LYPLAL1: variants seen among roughly 807,000 people sequenced by gnomAD.
LYPLAL1 encodes lysophospholipase-like protein 1.
A neutral mutation model predicts 19.7 loss-of-function variants in LYPLAL1; 23 were observed. That is an observed-to-expected ratio of 1.17 (90% CI 0.84 to 1.65). LYPLAL1 has a LOEUF of 1.65. Among genes scored for constraint, LYPLAL1 ranks in the 40% most tolerant of loss-of-function variants. The pLI, the probability that LYPLAL1 is intolerant of heterozygous loss-of-function variation, is 0.00. For synonymous variants in LYPLAL1, 119 were observed against 96.3 expected (o/e 1.24, Z -1.38); for missense variants, 355 against 279.4 (o/e 1.27, Z -1.93).
chr1:219,302,161 A>G, the LYPLAL1 span, among the ~76,000 whole-genome samples: 1 of 152,138 alleles, frequency 6.6e-6, no homozygotes. Flanking sequence ...ATGTAGGTCC[A>G]TCTATTATAC....
At chr1:219,356,625 TG>T in the LYPLAL1 span, among the ~76,000 whole-genome samples, 2 of 152,188 alleles carry the variant, frequency 1.3e-5, no homozygotes, top group Non-Finnish European at 2.9e-5. Flanking sequence ...TACATTGCTT[TG>T]GGGGAAGTAT....
chr1:219,329,307 A>G, the LYPLAL1 span, among the ~76,000 whole-genome samples: 1 of 152,216 alleles, frequency 6.6e-6, no homozygotes, highest in Admixed American at 6.5e-5. Flanking sequence ...AAGTCTTAAC[A>G]TGATACCTGA....
chr1:219,196,735 A>G (rs568700476), intron 3 of LYPLAL1, among the ~76,000 whole-genome samples: 7 of 152,158 alleles, frequency 4.6e-5, no homozygotes, highest in Non-Finnish European at 1.0e-4. Context: ...GACATGATCC[A>G]ATATCTAGAA....
At chr1:219,439,726 T>A in the LYPLAL1 span, among the ~76,000 whole-genome samples, 1 of 152,054 alleles carries the variant, frequency 6.6e-6, no homozygotes, top group South Asian at 2.1e-4. Flanking sequence ...GGATATATAC[T>A]GTTTGCAGAG....
chr1:219,283,639 TGAC>T, the LYPLAL1 span, among the ~76,000 whole-genome samples: 1 of 152,168 alleles, frequency 6.6e-6, no homozygotes, highest in Non-Finnish European at 1.5e-5. Flanking sequence ...TCATAGTGAC[TGAC>T]AATTGCCTGT....
chr1:219,356,407 G>A, the LYPLAL1 span, among the ~76,000 whole-genome samples: 1 of 152,166 alleles, frequency 6.6e-6, no homozygotes, highest in Non-Finnish European at 1.5e-5. Context: ...GGCTGAGGCA[G>A]GAGAATCGCT....
At position 219,211,810 on chromosome 1, in the gene LYPLAL1, A is replaced by C; in HGVS notation, c.*82A>C. On this transcript the variant is annotated 3_prime_UTR_variant, in exon 5 of 5. Transcript: ENST00000366928. The stretch of plus-strand genomic sequence containing the variant: ...TACTGCCAAATTATAATGATAATTA[A>C]AATATTAAGAAATAACACTTTCCTG... The C allele has an allele frequency of 1.2e-6, 1 of 840,844 alleles. No individual in the cohort carries two copies. Among genetic ancestry groups the C allele is most frequent in the Non-Finnish European group, 1.8e-6 (1 of 553,294 alleles). 52.1% of individuals were successfully genotyped at this position (840,844 alleles called of 1,614,324 possible).
At chr1:219,240,600 G>A in the LYPLAL1 span, among the ~76,000 whole-genome samples, 1 of 151,996 alleles carries the variant, frequency 6.6e-6, no homozygotes, top group Non-Finnish European at 1.5e-5. Context: ...ATAACTTTTT[G>A]CTCCCTATGA....
At chr1:219,307,920 CT>C in the LYPLAL1 span, among the ~76,000 whole-genome samples, 1 of 152,146 alleles carries the variant, frequency 6.6e-6, no homozygotes, top group Non-Finnish European at 1.5e-5. Context: ...CCAATTAAAC[CT>C]TTTTTCTTCC....
chr1:219,407,598 G>A, the LYPLAL1 span, among the ~76,000 whole-genome samples: 1 of 152,122 alleles, frequency 6.6e-6, no homozygotes, highest in Admixed American at 6.5e-5. Flanking sequence ...TTTTATTTGT[G>A]AATAAACGTT....
the LYPLAL1 span, chr1:219,437,068 C>T: frequency 6.6e-6 from 1 of 152,170 alleles, no homozygotes; most frequent in Non-Finnish European, 1.5e-5. Context: ...CTAGTGTATA[C>T]AGAGTGGACT....
the LYPLAL1 span, among the ~76,000 whole-genome samples, chr1:219,441,267 A>G: frequency 6.6e-6 from 1 of 152,228 alleles, no homozygotes; most frequent in Admixed American, 6.5e-5. Flanking sequence ...ATCTGTATAC[A>G]GACATTTAAT....
chr1:219,380,108 C>T, the LYPLAL1 span, among the ~76,000 whole-genome samples: 1 of 152,218 alleles, frequency 6.6e-6, no homozygotes, highest in Non-Finnish European at 1.5e-5. Context: ...ATATAGTTAT[C>T]ATCTTTAGCA....
At chr1:219,342,087 T>C in the LYPLAL1 span, among the ~76,000 whole-genome samples, 1 of 152,116 alleles carries the variant, frequency 6.6e-6, no homozygotes, top group African/African-American at 2.4e-5. Flanking sequence ...AGCCACCTTG[T>C]GGTTAATAAT....
downstream of LYPLAL1, among the ~76,000 whole-genome samples, chr1:219,217,395 T>C (rs1479434134): frequency 1.5e-5 from 2 of 135,336 alleles, no homozygotes; most frequent in African/African-American, 5.2e-5. Context: ...TGTGTGTGTG[T>C]GTGTGTGTGT....
At chr1:219,348,202 G>A in the LYPLAL1 span, among the ~76,000 whole-genome samples, 1 of 152,334 alleles carries the variant, frequency 6.6e-6, no homozygotes, top group East Asian at 1.9e-4. Context: ...GTAGAAGTCA[G>A]GCAAACCCCA....
the LYPLAL1 span, among the ~76,000 whole-genome samples, chr1:219,325,168 T>C: frequency 6.6e-6 from 1 of 152,202 alleles, no homozygotes; most frequent in East Asian, 1.9e-4. Context: ...ATCTAAAATC[T>C]TTCTGCTGCG....
At chr1:219,343,127 G>C in the LYPLAL1 span, among the ~76,000 whole-genome samples, 1 of 152,162 alleles carries the variant, frequency 6.6e-6, no homozygotes, top group South Asian at 2.1e-4. Context: ...GATGACATCT[G>C]TCTGATCTTG....
At chr1:219,337,922 G>A in the LYPLAL1 span, among the ~76,000 whole-genome samples, 2 of 152,198 alleles carry the variant, frequency 1.3e-5, no homozygotes, top group African/African-American at 4.8e-5. Flanking sequence ...ACACACATGT[G>A]AGTTCCAGCT....
Sources: allele counts gnomAD v4.1 joint callset (sites outside exome capture counted in the v4.1 genomes callset), GRCh38; gene constraint gnomAD v4.1.1; transcripts MANE v1.5; gene names NCBI Gene and HGNC (gene_info 2026-07-23, HGNC 2026-07-21).